The following SND1 variants were observed in gnomAD, a reference collection of about 807,000 sequenced individuals.
SND1 encodes staphylococcal nuclease and tudor domain containing 1.
Under a neutral mutation model 121.7 loss-of-function variants are expected in SND1, and 38 were observed. That is an observed-to-expected ratio of 0.31 (90% CI 0.24 to 0.41). The LOEUF (loss-of-function observed/expected upper bound fraction) is 0.41, where lower values mean the gene tolerates loss of function less well. SND1 is among the 10% of genes least tolerant of loss of function. SND1 has a pLI of 1.00. For synonymous variants in SND1, 401 were observed against 447.4 expected, an observed-to-expected ratio of 0.90 and a Z score of 1.31; for missense variants, 868 against 1,184.6, an observed-to-expected ratio of 0.73 and a Z score of 3.92.
intron 18 of SND1, 128 bp from the exon 19 acceptor site, chr7:128,084,596 A>G (rs1793658004): frequency 1.0e-6 from 1 of 975,784 alleles, no homozygotes; most frequent in Non-Finnish European, 1.4e-6. Context: ...GGTTGGGGAC[A>G]GAGCCAGTGC....
At chr7:127,922,195 T>TTTTTTTTTG in intron 14 of SND1, among the ~76,000 whole-genome samples, 3 of 81,464 alleles carry the variant, frequency 3.7e-5, no homozygotes, top group Non-Finnish European at 8.9e-5. Context: ...TTTTTTTTTT[T>TTTTTTTTTG]TTTTTTTTGT....
intron 9 of SND1, among the ~76,000 whole-genome samples, chr7:127,708,608 G>A (rs554379654): frequency 2.6e-5 from 4 of 151,822 alleles, no homozygotes; most frequent in East Asian, 1.9e-4. Flanking sequence ...CCACCGCCCC[G>A]AGAGTTTTCC....
At chr7:127,807,296 A>AGCCTTTTT (rs1798254565) in intron 10 of SND1, among the ~76,000 whole-genome samples, 188 bp from the exon 11 acceptor site, 1 of 152,202 alleles carries the variant, frequency 6.6e-6, no homozygotes, top group South Asian at 2.1e-4. Flanking sequence ...TTATGTGAAA[A>AGCCTTTTT]AGGTAGCCCT....
At chr7:127,704,547 A>T (rs980296761) in intron 7 of SND1, among the ~76,000 whole-genome samples, 1 of 152,232 alleles carries the variant, frequency 6.6e-6, no homozygotes, top group Non-Finnish European at 1.5e-5. Flanking sequence ...AGCTATTGAA[A>T]TGTCAATTCC....
intron 12 of SND1, among the ~76,000 whole-genome samples, chr7:127,870,508 G>T (rs1201799807): frequency 2.6e-5 from 4 of 152,154 alleles, no homozygotes; most frequent in Non-Finnish European, 4.4e-5. Flanking sequence ...ACACACAGAG[G>T]CTGTATGGTA....
At chr7:127,847,113 C>CA (rs1010036582) in intron 12 of SND1, among the ~76,000 whole-genome samples, 10 of 151,038 alleles carry the variant, frequency 6.6e-5, no homozygotes, top group South Asian at 2.1e-4. Context: ...ACTAAAAATA[C>CA]AAAAAAAAAT....
At chr7:128,042,161 G>GA (rs957174743) in intron 16 of SND1, 4 of 151,882 alleles carry the variant, frequency 2.6e-5, no homozygotes, top group Admixed American at 6.6e-5. Context: ...CACAAACCCT[G>GA]AAAAAAAACC....
rs997454 is a variant in SND1 at position 127,983,117 on chromosome 7, T to C, written c.1670-7830T>C. 1.5e-3 allele frequency among the ~76,000 whole-genome samples: 221 copies of C among 152,384 alleles called. 2 individuals carry two copies. In the East Asian group the frequency reaches 0.022, roughly 15 times the overall value. On this transcript the variant is annotated intron_variant, in intron 15 of 23. Transcript: ENST00000354725. ...TCAGCCTTTATACGGAGTTTAAGTA[T>C]CTTACAGTCTATGTGTAGTGGGGCT...
chr7:127,664,138 G>C (rs536744779), intron 1 of SND1, among the ~76,000 whole-genome samples: 4 of 152,220 alleles, frequency 2.6e-5, no homozygotes, highest in African/African-American at 9.6e-5. Context: ...ACATCCTCTG[G>C]CTAATTTTTG....
intron 11 of SND1, among the ~76,000 whole-genome samples, chr7:127,826,998 A>C (rs1798655261): frequency 6.6e-6 from 1 of 152,218 alleles, no homozygotes; most frequent in Admixed American, 6.5e-5. Flanking sequence ...AGTTCAATCC[A>C]GGCATAAAAT....
At chr7:128,030,850 G>T in intron 16 of SND1, 1 of 557,272 alleles carries the variant, frequency 1.8e-6, no homozygotes. Context: ...CTCAAGGCAA[G>T]CCCTCCGAAA....
chr7:127,863,274 T>A (rs184097482), intron 12 of SND1, among the ~76,000 whole-genome samples: 1 of 152,308 alleles, frequency 6.6e-6, no homozygotes, highest in Admixed American at 6.5e-5. Context: ...TTTCTGTACC[T>A]CCTGCTGCTC....
chr7:127,946,973 T>C (rs1038220608), intron 15 of SND1, among the ~76,000 whole-genome samples: 6 of 131,166 alleles, frequency 4.6e-5, no homozygotes, highest in African/African-American at 1.8e-4. Flanking sequence ...AATAATGTTT[T>C]TCCATCTCAT....
Position 127,929,463 on chromosome 7 carries a change from A to G in SND1, c.1669+134A>G, listed in dbSNP as rs191657841. 86 of 877,182 alleles carry G rather than the reference A, an allele frequency of 9.8e-5. No individual in the cohort carries two copies. In the African/African-American group the frequency reaches 1.3e-3, roughly 13 times the overall value. 54.3% of individuals were successfully genotyped at this position (877,182 alleles called of 1,614,324 possible). A position where few individuals can be genotyped will look rare whatever the true frequency, so the allele number is the denominator to read the frequency against. ...CTCTTCCTCTCTGGTTGGGATATGC[A>G]AACACAGTTTCTAGATTGGATCCTC... On this transcript the variant is annotated intron_variant, in intron 15 of 23. Transcript: ENST00000354725.
intron 15 of SND1, among the ~76,000 whole-genome samples, chr7:127,932,680 CACAGCCACCACCTCCATCA>C (rs201014543): frequency 0.049 from 7,516 of 151,950 alleles, 235 homozygotes; most frequent in Admixed American, 0.085. Context: ...TTTTTTTTGC[CACAGCCACCACCTCCATCA>C]GCAACCACCA....
chr7:127,996,984 ACTC>A (rs1208331758), intron 16 of SND1, among the ~76,000 whole-genome samples: 2 of 151,628 alleles, frequency 1.3e-5, no homozygotes, highest in Non-Finnish European at 2.9e-5. Flanking sequence ...GGTAAGAAAA[ACTC>A]CTGTCTTAAT....
intron 16 of SND1, among the ~76,000 whole-genome samples, chr7:128,012,816 G>A (rs1340558021): frequency 6.6e-6 from 1 of 151,986 alleles, no homozygotes; most frequent in East Asian, 1.9e-4. Flanking sequence ...TTTCTTGGGG[G>A]GTTTTGTGAT....
intron 10 of SND1, among the ~76,000 whole-genome samples, chr7:127,729,631 G>A (rs1257879885): frequency 6.6e-6 from 1 of 152,068 alleles, no homozygotes; most frequent in African/African-American, 2.4e-5. Context: ...TTTAGGCACT[G>A]TAGGTCTGGG....
chr7:127,819,457 G>A (rs181635743), intron 11 of SND1, among the ~76,000 whole-genome samples: 3 of 152,272 alleles, frequency 2.0e-5, no homozygotes, highest in Admixed American at 6.5e-5. Context: ...TGTCTTCCTG[G>A]TATTTCTAAT....
Sources: allele counts gnomAD v4.1 joint callset (sites outside exome capture counted in the v4.1 genomes callset), GRCh38; gene constraint gnomAD v4.1.1; transcripts MANE v1.5; gene names NCBI Gene and HGNC (gene_info 2026-07-23, HGNC 2026-07-21).